The following GDPD4 variants were observed in gnomAD, a reference collection of about 807,000 sequenced individuals.
The protein encoded by GDPD4 is glycerophosphodiester phosphodiesterase 6.
In GDPD4, 60 loss-of-function variants were observed where a neutral mutation model predicts 67.8. The observed-to-expected ratio is 0.88, with a 90% CI of 0.72 to 1.10. The LOEUF is 1.10. Ranked by LOEUF, GDPD4 falls within the 50% of genes least tolerant of loss-of-function variation. GDPD4 has a pLI of 0.00. For synonymous variants in GDPD4, 212 were observed against 210.9 expected (o/e 1.00, Z -0.04); for missense variants, 623 against 613.9 (o/e 1.01, Z -0.16).
intron 10 of GDPD4, among the ~76,000 whole-genome samples, chr11:77,267,106 CG>C (rs1959181623): frequency 6.6e-6 from 1 of 152,046 alleles, no homozygotes; most frequent in African/African-American, 2.4e-5. Flanking sequence ...TTATTTTTAC[CG>C]TACTTTTCCT....
intron 1 of GDPD4, among the ~76,000 whole-genome samples, chr11:77,296,823 G>A (rs1039367928): frequency 3.3e-5 from 5 of 151,600 alleles, no homozygotes; most frequent in African/African-American, 9.7e-5. Flanking sequence ...ACTTTGGGAG[G>A]CCGAGGCGGG....
chr11:77,229,772 C>A (rs1958419965), intron 14 of GDPD4, among the ~76,000 whole-genome samples: 1 of 152,212 alleles, frequency 6.6e-6, no homozygotes, highest in African/African-American at 2.4e-5. Flanking sequence ...TAAAGTATCA[C>A]ACTTTAATTA....
At chr11:77,218,102 T>C (rs1186394474) in intron 16 of GDPD4, among the ~76,000 whole-genome samples, 1 of 152,014 alleles carries the variant, frequency 6.6e-6, no homozygotes, top group Non-Finnish European at 1.5e-5. Flanking sequence ...TTCCATTTTT[T>C]TTTTTGTCAG....
chr11:77,272,271 C>T (rs1465481898), intron 5 of GDPD4, among the ~76,000 whole-genome samples: 4 of 152,090 alleles, frequency 2.6e-5, no homozygotes, highest in African/African-American at 9.7e-5. Flanking sequence ...TGCAACAAAA[C>T]ATTATACCCA....
At chr11:77,237,837 C>A (rs1030239667) in intron 13 of GDPD4, among the ~76,000 whole-genome samples, 8 of 152,134 alleles carry the variant, frequency 5.3e-5, no homozygotes, top group African/African-American at 1.9e-4. Flanking sequence ...TAAGGCTGGG[C>A]GCAATGGCTC....
chr11:77,228,865 G>T lies in GDPD4; in HGVS notation c.1472+285C>A, dbSNP rs114856135. 9.4e-3 allele frequency among the ~76,000 whole-genome samples: 1,426 copies of T among 152,268 alleles called. 28 individuals carry two copies. The highest frequency in any genetic ancestry group is 0.033 in the African/African-American group (1,359 of 41,532). On this transcript the variant is annotated intron_variant, in intron 15 of 16. Transcript: ENST00000315938. ...ATGGGAAGGTGGAGGCACTTGTTCTGGACAATATTCAAGCCCTGTCATCTT... is the reference window on the plus strand; with the variant it reads ...ATGGGAAGGTGGAGGCACTTGTTCTTGACAATATTCAAGCCCTGTCATCTT...
At chr11:77,225,768 C>T (rs1051774260) in intron 16 of GDPD4, among the ~76,000 whole-genome samples, 8 of 152,150 alleles carry the variant, frequency 5.3e-5, no homozygotes, top group East Asian at 1.9e-4. Flanking sequence ...TGCAGCAGTA[C>T]GTGCCCATCC....
intron 1 of GDPD4, among the ~76,000 whole-genome samples, chr11:77,292,036 T>A (rs1402746345): frequency 1.3e-5 from 2 of 151,778 alleles, no homozygotes; most frequent in Non-Finnish European, 2.9e-5. Context: ...CAAAAAAAAA[T>A]TATTATTATT....
At chr11:77,276,554 C>A (rs1192216573) in intron 4 of GDPD4, among the ~76,000 whole-genome samples, 1 of 152,186 alleles carries the variant, frequency 6.6e-6, no homozygotes, top group African/African-American at 2.4e-5. Context: ...CATTTCTTTT[C>A]CCTGTGAGGA....
At chr11:77,270,980 A>T in intron 7 of GDPD4, 150 bp downstream of exon 7, 1 of 613,834 alleles carries the variant, frequency 1.6e-6, no homozygotes. Flanking sequence ...TAGTGAGTGA[A>T]AGCACAGGAG....
intron 16 of GDPD4, among the ~76,000 whole-genome samples, chr11:77,225,269 C>A (rs1958305718): frequency 6.7e-6 from 1 of 150,138 alleles, no homozygotes; most frequent in Admixed American, 6.7e-5. Flanking sequence ...CCACTGCACT[C>A]CAGCCTGGGC....
intron 1 of GDPD4, among the ~76,000 whole-genome samples, chr11:77,292,045 T>G (rs551095050): frequency 6.6e-6 from 1 of 152,112 alleles, no homozygotes; most frequent in South Asian, 2.1e-4. Context: ...ATTATTATTA[T>G]TATTATTCAT....
intron 4 of GDPD4, among the ~76,000 whole-genome samples, chr11:77,277,926 G>T (rs2135881095): frequency 6.6e-6 from 1 of 151,844 alleles, no homozygotes; most frequent in African/African-American, 2.4e-5. Context: ...AGAGATTCTG[G>T]TATGTTGTGT....
At position 77,241,442 on chromosome 11, in the gene GDPD4, G is replaced by A. The variant is rs184941231; in HGVS notation, c.1241+2252C>T. On this transcript the variant is annotated intron_variant, in intron 13 of 16. Coordinates refer to ENST00000315938, the MANE Select transcript of GDPD4 (RefSeq NM_182833.3). Reference sequence around the variant, plus strand: ...TTCCAGCACTTTGGGAGGTGGAGGTGAGGAAACTGCTTGAGCAAGACCACG... The same window carrying A: ...TTCCAGCACTTTGGGAGGTGGAGGTAAGGAAACTGCTTGAGCAAGACCACG... 2.2e-3 allele frequency among the ~76,000 whole-genome samples: 327 copies of A among 152,074 alleles called. 1 individual carries two copies. Among genetic ancestry groups the A allele is most frequent in the African/African-American group, 7.2e-3 (299 of 41,500 alleles).
intron 11 of GDPD4, among the ~76,000 whole-genome samples, chr11:77,250,998 A>C (rs1013928761): frequency 6.6e-6 from 1 of 152,090 alleles, no homozygotes; most frequent in Non-Finnish European, 1.5e-5. Context: ...TTCTGTTTGC[A>C]TGGAATATCT....
At chr11:77,297,244 A>G (rs749340999) in intron 1 of GDPD4, among the ~76,000 whole-genome samples, 6 of 151,552 alleles carry the variant, frequency 4.0e-5, no homozygotes, top group Non-Finnish European at 8.8e-5. Context: ...ATAGTTCATA[A>G]TTTAAAAAGT....
At chr11:77,242,400 TA>T (rs1958686014) in intron 13 of GDPD4, among the ~76,000 whole-genome samples, 1 of 152,168 alleles carries the variant, frequency 6.6e-6, no homozygotes, top group African/African-American at 2.4e-5. Context: ...TACTTTTGAT[TA>T]AAACAATGCA....
At chr11:77,294,875 A>C (rs1442101808) in intron 1 of GDPD4, among the ~76,000 whole-genome samples, 1 of 151,974 alleles carries the variant, frequency 6.6e-6, no homozygotes, top group Non-Finnish European at 1.5e-5. Flanking sequence ...AGAAGTATGA[A>C]GGATGGAGAA....
rs67911054 is a variant in GDPD4, at chr11:77,262,854, C to CAAAAAA, written c.708-4318_708-4313dup. On this transcript the variant is annotated intron_variant, in intron 10 of 16. Transcript: ENST00000315938. ...TCTATCACTAAATCTTTCTCTGCTG[C>CAAAAAA]AAAAAAAAAAAAAAAAAAAAAAAGG... Among the ~76,000 whole-genome samples the CAAAAAA allele has an allele frequency of 2.5e-3, 165 of 66,948 alleles. 10 individuals carry two copies. The highest frequency in any genetic ancestry group is 5.4e-3 in the African/African-American group (81 of 14,880). 43.9% of individuals were successfully genotyped at this position (66,948 alleles called of 152,430 possible). A position where few individuals can be genotyped will look rare whatever the true frequency, so the allele number is the denominator to read the frequency against.
Sources: allele counts gnomAD v4.1 joint callset (sites outside exome capture counted in the v4.1 genomes callset), GRCh38; gene constraint gnomAD v4.1.1; transcripts MANE v1.5; gene names NCBI Gene and HGNC (gene_info 2026-07-23, HGNC 2026-07-21).